Variants in CPNE4 observed in about 807,000 individuals in gnomAD.
CPNE4 encodes copine 4.
Under a neutral mutation model 67.9 loss-of-function variants are expected in CPNE4, and 25 were observed. The ratio of observed to expected loss-of-function variants is 0.37; its 90% CI spans 0.27 to 0.51. The LOEUF (loss-of-function observed/expected upper bound fraction) is 0.51. Ranked by LOEUF, CPNE4 falls within the 20% of genes least tolerant of loss-of-function variation. The pLI, the probability that CPNE4 is intolerant of heterozygous loss-of-function variation, is 0.93. For missense variants in CPNE4, 464 were observed against 690.8 expected (o/e 0.67, Z 3.68); for synonymous variants, 242 against 244.9 (o/e 0.99, Z 0.11).
chr3:131,939,017 TC>T (rs780298319), intron 1 of CPNE4, among the ~76,000 whole-genome samples: 1 of 152,150 alleles, frequency 6.6e-6, no homozygotes, highest in Non-Finnish European at 1.5e-5. Flanking sequence ...ATGGGCACTC[TC>T]TTGCACCACT....
chr3:131,873,546 T>C (rs980219766), intron 2 of CPNE4, among the ~76,000 whole-genome samples: 2 of 152,250 alleles, frequency 1.3e-5, no homozygotes, highest in African/African-American at 4.8e-5. Flanking sequence ...TTCTTGAGAC[T>C]TTATTTAGAG....
intron 2 of CPNE4, among the ~76,000 whole-genome samples, chr3:131,743,524 C>T (rs1358953061): frequency 6.6e-6 from 1 of 152,114 alleles, no homozygotes; most frequent in Non-Finnish European, 1.5e-5. Flanking sequence ...CTAAATAAAA[C>T]ATTGGCAAAA....
At chr3:131,542,321 A>G (rs1045527210) in intron 15 of CPNE4, among the ~76,000 whole-genome samples, 3 of 152,048 alleles carry the variant, frequency 2.0e-5, no homozygotes, top group East Asian at 3.9e-4. Flanking sequence ...CTGTAACTCA[A>G]TTTATAATTT....
chr3:131,753,708 T>C (rs925676137), intron 2 of CPNE4, among the ~76,000 whole-genome samples: 4 of 152,090 alleles, frequency 2.6e-5, no homozygotes, highest in African/African-American at 9.6e-5. Flanking sequence ...AAATTGCAAA[T>C]TGAAATAACA....
At chr3:131,814,543 T>G in intron 2 of CPNE4, among the ~76,000 whole-genome samples, 1 of 151,458 alleles carries the variant, frequency 6.6e-6, no homozygotes, top group Non-Finnish European at 1.5e-5. Context: ...TTGCTTATTT[T>G]TAATGGAAGC....
In CPNE4 at chr3:131,807,583, C is replaced by A. The variant is rs1048860420; in HGVS notation, c.181-83958G>T. 2.0e-5 allele frequency among the ~76,000 whole-genome samples: 3 copies of A among 151,980 alleles called. No homozygotes were observed. In the East Asian group the frequency reaches 5.8e-4, roughly 29 times the overall value. On this transcript the variant is annotated intron_variant, in intron 2 of 15. Coordinates refer to ENST00000429747, the MANE Select transcript of CPNE4 (RefSeq NM_130808.3). ...TCCATGTAAACATGTACATTTATTT[C>A]TCTAGGTTAAAAAAAGAAAAGTGAA... is the stretch of plus-strand genomic sequence containing the variant.
chr3:131,745,251 A>T (rs1435608776), intron 2 of CPNE4, among the ~76,000 whole-genome samples: 2 of 151,930 alleles, frequency 1.3e-5, no homozygotes, highest in Non-Finnish European at 2.9e-5. Context: ...ACGTCTCTTC[A>T]TGTCTTTTGC....
intron 6 of CPNE4, among the ~76,000 whole-genome samples, chr3:131,680,441 G>A (rs922327182): frequency 6.6e-6 from 1 of 151,810 alleles, no homozygotes; most frequent in Admixed American, 6.6e-5. Context: ...AACAAGCAAA[G>A]AAAAAATTAA....
At chr3:131,987,777 G>T (rs1013621572) in intron 1 of CPNE4, among the ~76,000 whole-genome samples, 1 of 152,112 alleles carries the variant, frequency 6.6e-6, no homozygotes, top group Admixed American at 6.6e-5. Context: ...GGTTCTGATG[G>T]TCTAGATTTC....
intron 3 of CPNE4, among the ~76,000 whole-genome samples, chr3:131,709,066 T>C (rs1425324399): frequency 2.0e-5 from 3 of 147,814 alleles, no homozygotes; most frequent in Non-Finnish European, 4.5e-5. Flanking sequence ...AGCCTTAATG[T>C]CCACGGTAAG....
chr3:131,934,126 T>A (rs1019465274), intron 1 of CPNE4, among the ~76,000 whole-genome samples: 2 of 152,106 alleles, frequency 1.3e-5, no homozygotes, highest in Admixed American at 6.6e-5. Context: ...AAATCAAGAG[T>A]TCTGTTTTGA....
intron 2 of CPNE4, among the ~76,000 whole-genome samples, chr3:131,739,988 G>T (rs1217043845): frequency 6.6e-6 from 1 of 152,168 alleles, no homozygotes; most frequent in Non-Finnish European, 1.5e-5. Flanking sequence ...AGAATAGTAA[G>T]CACAGAATGG....
intron 2 of CPNE4, among the ~76,000 whole-genome samples, chr3:131,903,602 G>A (rs565555725): frequency 2.0e-5 from 3 of 152,180 alleles, no homozygotes; most frequent in East Asian, 3.9e-4. Context: ...CAATGTATGG[G>A]TTTAAATATT....
At chr3:131,914,063 G>C (rs2089087513) in intron 1 of CPNE4, among the ~76,000 whole-genome samples, 3 of 152,104 alleles carry the variant, frequency 2.0e-5, no homozygotes, top group Non-Finnish European at 4.4e-5. Context: ...TAGGTCATCA[G>C]ATCCTCAGGA....
intron 7 of CPNE4, among the ~76,000 whole-genome samples, chr3:131,650,816 T>C (rs1289808015): frequency 6.7e-6 from 1 of 149,560 alleles, no homozygotes; most frequent in Non-Finnish European, 1.5e-5. Context: ...ACTATATTAG[T>C]ATAATAGTAA....
At chr3:131,768,837 G>A (rs529669146) in intron 2 of CPNE4, among the ~76,000 whole-genome samples, 1 of 152,244 alleles carries the variant, frequency 6.6e-6, no homozygotes, top group South Asian at 2.1e-4. Flanking sequence ...CATGATTCCA[G>A]AGAAAGGCTA....
intron 1 of CPNE4, among the ~76,000 whole-genome samples, chr3:132,000,148 A>C (rs994612218): frequency 2.0e-5 from 3 of 152,022 alleles, no homozygotes; most frequent in African/African-American, 7.2e-5. Context: ...CTAATCAGAG[A>C]ACAAGATAGG....
intron 1 of CPNE4, among the ~76,000 whole-genome samples, chr3:131,994,877 C>T (rs1433732209): frequency 1.3e-5 from 2 of 152,026 alleles, no homozygotes; most frequent in African/African-American, 4.8e-5. Context: ...ATACTTTTTT[C>T]CTTTTAGAGA....
At chr3:131,755,864 G>A (rs868636195) in intron 2 of CPNE4, among the ~76,000 whole-genome samples, 2 of 152,140 alleles carry the variant, frequency 1.3e-5, no homozygotes, top group Non-Finnish European at 2.9e-5. Flanking sequence ...GCATTTTCCA[G>A]ATGCACTCTG....
Sources: gnomAD v4.1 joint callset for allele counts (sites outside exome capture counted in the v4.1 genomes callset) on GRCh38, gnomAD v4.1.1 for gene constraint, MANE v1.5 for transcripts, NCBI Gene and HGNC (gene_info 2026-07-23, HGNC 2026-07-21) for gene names.